The following PLEKHA6 variants were observed in gnomAD, a reference collection of about 807,000 sequenced individuals.
The protein encoded by PLEKHA6 is pleckstrin homology domain-containing family A member 6.
In PLEKHA6, 60 loss-of-function variants were observed where a neutral mutation model predicts 116.7. The ratio of observed to expected loss-of-function variants is 0.51; its 90% confidence interval spans 0.42 to 0.64. PLEKHA6 has a LOEUF of 0.64. PLEKHA6 is among the 30% of genes least tolerant of loss of function. The probability of loss-of-function intolerance (pLI) is 0.00; values close to 1 mark genes in which losing one functional copy is unlikely to be tolerated. For synonymous variants in PLEKHA6, 489 were observed against 556.1 expected (o/e 0.88, Z 1.70); for missense variants, 1,338 against 1,422.7 (o/e 0.94, Z 0.96).
chr1:204,240,287 A>T (rs1662620279), intron 17 of PLEKHA6, among the ~76,000 whole-genome samples: 1 of 152,228 alleles, frequency 6.6e-6, no homozygotes, highest in Non-Finnish European at 1.5e-5. Context: ...TCAGGAATGA[A>T]GGTTTGGTCA....
Position 204,269,321 on chromosome 1 carries a change from G to C in PLEKHA6, c.103-1009C>G, listed in dbSNP as rs911303731. Among the ~76,000 whole-genome samples, 4 of 60,308 alleles carry C rather than the reference G, an allele frequency of 6.6e-5. No homozygotes were observed. The South Asian group carries it at 1.8e-3, about 27-fold the overall frequency. 39.6% of individuals were successfully genotyped at this position (60,308 alleles called of 152,430 possible). A position where few individuals can be genotyped will look rare whatever the true frequency, so the allele number is the denominator to read the frequency against. On this transcript the variant is annotated intron_variant, in intron 3 of 22. Transcript: ENST00000272203. ...GCCCCATGGTGGAGTATATCAACCC[G>C]GCTCTCAGAAACCTCATCTATTGTC...
intron 17 of PLEKHA6, among the ~76,000 whole-genome samples, chr1:204,239,206 A>G (rs1321696497): frequency 6.6e-6 from 1 of 152,202 alleles, no homozygotes; most frequent in Non-Finnish European, 1.5e-5. Flanking sequence ...CAATGGGTCC[A>G]TGAAAAAAGT....
At chr1:204,319,951 C>T (rs972625439) in intron 1 of PLEKHA6, among the ~76,000 whole-genome samples, 2 of 152,132 alleles carry the variant, frequency 1.3e-5, no homozygotes, top group Non-Finnish European at 2.9e-5. Context: ...TGGTACACCA[C>T]CCTCTGCGGG....
At chr1:204,270,752 T>A (rs1315448069) in intron 3 of PLEKHA6, among the ~76,000 whole-genome samples, 1 of 152,196 alleles carries the variant, frequency 6.6e-6, no homozygotes, top group African/African-American at 2.4e-5. Flanking sequence ...ACTCGTCACT[T>A]AAGAGAGAGG....
rs375866695 is a variant in PLEKHA6, at chr1:204,293,355, G to A, written c.-94-18546C>T. 3.8e-4 allele frequency among the ~76,000 whole-genome samples: 58 copies of A among 152,202 alleles called. No individual in the cohort carries two copies. In the East Asian group the frequency reaches 8.1e-3, roughly 21 times the overall value. On this transcript the variant is annotated intron_variant, in intron 1 of 22. Transcript: ENST00000272203. ...TCACCATGCTGGCCAGGCTGATCTC[G>A]AACTCCTGGCCTCAGGTGATCCGCC...
chr1:204,358,294 C>T (rs1162028256), intron 1 of PLEKHA6, among the ~76,000 whole-genome samples: 1 of 152,206 alleles, frequency 6.6e-6, no homozygotes, highest in Non-Finnish European at 1.5e-5. Flanking sequence ...TTCAGCCCCT[C>T]CTGCCACCCC....
upstream of PLEKHA6, among the ~76,000 whole-genome samples, chr1:204,362,228 A>G (rs996435178): frequency 6.6e-6 from 1 of 152,200 alleles, no homozygotes; most frequent in Non-Finnish European, 1.5e-5. Context: ...CCCTTTGCCA[A>G]ATCTAAGTTC....
At chr1:204,376,950 C>T (rs1673880961) in intron 1 of PLEKHA6, among the ~76,000 whole-genome samples, 2 of 152,226 alleles carry the variant, frequency 1.3e-5, no homozygotes, top group African/African-American at 4.8e-5. Flanking sequence ...GCCAGAGCCA[C>T]TTTGGCTTAT....
At chr1:204,256,034 C>T (rs1340912616) in intron 9 of PLEKHA6, among the ~76,000 whole-genome samples, 2 of 152,148 alleles carry the variant, frequency 1.3e-5, no homozygotes, top group Non-Finnish European at 2.9e-5. Flanking sequence ...TTTCTGGGTG[C>T]GTGTGTTTGC....
intron 1 of PLEKHA6, among the ~76,000 whole-genome samples, chr1:204,290,512 TAACTC>T (rs1321610490): frequency 6.6e-6 from 1 of 152,158 alleles, no homozygotes; most frequent in African/African-American, 2.4e-5. Flanking sequence ...ATTAAAAAAT[TAACTC>T]AAAACGGACC....
At chr1:204,322,848 C>T (rs957455768) in intron 1 of PLEKHA6, among the ~76,000 whole-genome samples, 10 of 152,232 alleles carry the variant, frequency 6.6e-5, no homozygotes, top group Non-Finnish European at 1.0e-4. Flanking sequence ...ACCAAGCTAA[C>T]TGGCCCTACG....
chr1:204,363,177 G>A (rs113846758), upstream of PLEKHA6, among the ~76,000 whole-genome samples: 3,786 of 152,328 alleles, frequency 0.025, 68 homozygotes, highest in Non-Finnish European at 0.04. Flanking sequence ...GGGTCTCGCA[G>A]TTCGGGTTGG....
chr1:204,230,442 CG>C lies in PLEKHA6; in HGVS notation c.2553del (p.Asp852ThrfsTer20). 1 of 1,584,924 alleles carries C rather than the reference CG, an allele frequency of 6.3e-7. No homozygotes were observed. Among genetic ancestry groups the C allele is most frequent in the Non-Finnish European group, 8.6e-7 (1 of 1,166,086 alleles). On this transcript the variant is annotated frameshift_variant, in exon 18 of 23. Transcript: ENST00000272203. LOFTEE classifies it high-confidence loss of function. ...RSLQLPASPA[P>X]DPSPRPAYKV... is the part of the protein sequence containing the mutation. Reference sequence around the variant, plus strand: ...TTGTAGGCTGGCCGGGGACTGGGGTCGGGGGCCGGGCTGGCCGGGAGCTGCA... The same window carrying C: ...TTGTAGGCTGGCCGGGGACTGGGGTCGGGGCCGGGCTGGCCGGGAGCTGCA...
chr1:204,321,470 G>T (rs11806699), intron 1 of PLEKHA6, among the ~76,000 whole-genome samples: 11,613 of 151,304 alleles, frequency 0.077, 951 homozygotes, highest in African/African-American at 0.21. Flanking sequence ...CTGTGCTCCA[G>T]CCTCTGACTC....
chr1:204,256,429 T>A (rs962629381), intron 9 of PLEKHA6, among the ~76,000 whole-genome samples: 3 of 152,102 alleles, frequency 2.0e-5, no homozygotes, highest in African/African-American at 7.2e-5. Flanking sequence ...AGGACAAACA[T>A]GAAATAACTA....
At chr1:204,304,029 G>C (rs1671059337) in intron 1 of PLEKHA6, among the ~76,000 whole-genome samples, 1 of 152,152 alleles carries the variant, frequency 6.6e-6, no homozygotes. Flanking sequence ...CTATATTCTT[G>C]AGAGTTCAAG....
chr1:204,305,693 C>T (rs1213965702), intron 1 of PLEKHA6, among the ~76,000 whole-genome samples: 7 of 152,178 alleles, frequency 4.6e-5, no homozygotes, highest in Non-Finnish European at 1.0e-4. Context: ...TGCACAGCAG[C>T]ATCTACCAAC....
chr1:204,320,416 C>A, intron 1 of PLEKHA6: 10 of 839,828 alleles, frequency 1.2e-5, no homozygotes, highest in Non-Finnish European at 1.4e-5. Context: ...TCACCATACT[C>A]GCAGCTCAGC....
At chr1:204,359,372 G>A (rs1673504596) in intron 1 of PLEKHA6, among the ~76,000 whole-genome samples, 1 of 152,054 alleles carries the variant, frequency 6.6e-6, no homozygotes, top group Non-Finnish European at 1.5e-5. Flanking sequence ...TTGCGTGGGG[G>A]ACCCCTGCTG....
Sources: gnomAD v4.1 joint callset for allele counts (sites outside exome capture counted in the v4.1 genomes callset) on GRCh38, gnomAD v4.1.1 for gene constraint, MANE v1.5 for transcripts, NCBI Gene and HGNC (gene_info 2026-07-23, HGNC 2026-07-21) for gene names.